ATP9B: variants seen among roughly 807,000 people sequenced by gnomAD.
The protein encoded by ATP9B is probable phospholipid-transporting ATPase IIB.
A neutral mutation model predicts 146.1 loss-of-function variants in ATP9B; 110 were observed. The ratio of observed to expected loss-of-function variants is 0.75; its 90% CI spans 0.65 to 0.88. The LOEUF is 0.88. ATP9B is among the 40% of genes least tolerant of loss of function. ATP9B has a pLI of 0.00. For synonymous variants in ATP9B, 604 were observed against 569.7 expected (o/e 1.06, Z -0.86); for missense variants, 1,499 against 1,496.4 (o/e 1.00, Z -0.03).
chr18:79,070,831 G>T, intron 1 of ATP9B, among the ~76,000 whole-genome samples: 1 of 150,762 alleles, frequency 6.6e-6, no homozygotes. Flanking sequence ...GCTTTTTTTT[G>T]GATTAATGTT....
rs2097109047 is a variant in ATP9B at position 79,377,554 on chromosome 18, C to T, written c.*171C>T. 1.1e-6 allele frequency: 1 copy of T among 872,446 alleles called. No individual in the cohort carries two copies. Among genetic ancestry groups the T allele is most frequent in the Admixed American group, 2.7e-5 (1 of 37,706 alleles). 54.0% of individuals were successfully genotyped at this position (872,446 alleles called of 1,614,324 possible). On this transcript the variant is annotated 3_prime_UTR_variant, in exon 30 of 30. Coordinates refer to ENST00000426216, the MANE Select transcript of ATP9B (RefSeq NM_198531.5). ...AGATGCTGAGACAGCCTCTCCTTCT[C>T]AGTGCAGGGACGTCACCCCTGCCAG...
rs535030058 is a variant in ATP9B, at chr18:79,137,776, G to A, written c.668-6026G>A. Among the ~76,000 whole-genome samples, 199 of 152,212 alleles carry A rather than the reference G, an allele frequency of 1.3e-3. 9 individuals carry two copies. The South Asian group carries it at 0.04, about 30-fold the overall frequency. On this transcript the variant is annotated intron_variant, in intron 5 of 29. Coordinates refer to ENST00000426216, the MANE Select transcript of ATP9B (RefSeq NM_198531.5). ...GGCTCCAATGCCTCCTTTTCTAGGC[G>A]TCCTCTCCTAACCCTGCAACAGTCA...
intron 11 of ATP9B, among the ~76,000 whole-genome samples, chr18:79,249,850 T>C (rs1189075681): frequency 6.6e-6 from 1 of 152,170 alleles, no homozygotes; most frequent in East Asian, 1.9e-4. Context: ...AAAAATAAAA[T>C]AAAATAAAAG....
chr18:79,232,115 G>A (rs539207404), intron 11 of ATP9B, among the ~76,000 whole-genome samples: 1 of 152,158 alleles, frequency 6.6e-6, no homozygotes, highest in South Asian at 2.1e-4. Context: ...CAGGGGAAAA[G>A]ACCTTACCAG....
chr18:79,138,640 A>G (rs1337153477), intron 5 of ATP9B, among the ~76,000 whole-genome samples: 1 of 152,184 alleles, frequency 6.6e-6, no homozygotes, highest in Non-Finnish European at 1.5e-5. Flanking sequence ...GAGGTGGTAA[A>G]CTATCATCTC....
At chr18:79,223,824 A>C (rs920375467) in intron 11 of ATP9B, among the ~76,000 whole-genome samples, 3 of 152,182 alleles carry the variant, frequency 2.0e-5, no homozygotes, top group African/African-American at 7.2e-5. Flanking sequence ...CTAAGTGTTG[A>C]AAAAACAATC....
At chr18:79,182,676 A>G (rs1314755647) in intron 8 of ATP9B, among the ~76,000 whole-genome samples, 2 of 152,224 alleles carry the variant, frequency 1.3e-5, no homozygotes, top group African/African-American at 2.4e-5. Context: ...CATGACTTGT[A>G]GAAGCCCTTG....
At chr18:79,321,212 G>A (rs73973072) in intron 15 of ATP9B, among the ~76,000 whole-genome samples, 8,436 of 152,226 alleles carry the variant, frequency 0.055, 430 homozygotes, top group African/African-American at 0.14. Flanking sequence ...AACCAAAACC[G>A]GAGAATCTGC....
At chr18:79,206,796 T>C (rs1428382115) in intron 9 of ATP9B, 141 bp from the exon 10 acceptor site, 9 of 656,962 alleles carry the variant, frequency 1.4e-5, no homozygotes, top group Non-Finnish European at 2.0e-5. Flanking sequence ...CCCTTTTTTC[T>C]AACGTCTGTT....
chr18:79,329,971 G>T (rs746564518), intron 16 of ATP9B, 41 bp from the exon 17 acceptor site: 18 of 1,571,408 alleles, frequency 1.1e-5, no homozygotes, highest in Non-Finnish European at 1.5e-5. Flanking sequence ...CCCGAGCAAT[G>T]CAGCCTAAAT....
intron 7 of ATP9B, among the ~76,000 whole-genome samples, chr18:79,171,736 A>G (rs1387186321): frequency 6.6e-6 from 1 of 152,210 alleles, no homozygotes; most frequent in Non-Finnish European, 1.5e-5. Context: ...TCTCCCTCAC[A>G]CTAGCCCAGT....
chr18:79,154,458 G>T, intron 6 of ATP9B, 46 bp from the exon 7 acceptor site: 2 of 1,348,258 alleles, frequency 1.5e-6, no homozygotes, highest in Non-Finnish European at 2.0e-6. Context: ...GTGTTAATTT[G>T]TAAACCTGCA....
intron 13 of ATP9B, among the ~76,000 whole-genome samples, chr18:79,301,634 G>A (rs1347974538): frequency 6.6e-6 from 1 of 152,098 alleles, no homozygotes; most frequent in African/African-American, 2.4e-5. Context: ...AAAACAAAAA[G>A]GTTTAAACTG....
Position 79,253,387 on chromosome 18 carries a change from T to C in ATP9B, c.1114T>C (p.Leu372=). ...NTSNPKNKVG[L]LDLELNRLTK... ...TTATGTGTTTTTCTTTCAGGTTGGT[T>C]TGTTGGACCTTGAACTCAATCGGCT... The change falls in exon 12 of 30, where the codon TTG becomes CTG. Residue 372 remains leucine, a synonymous_variant. Coordinates refer to ENST00000426216, the MANE Select transcript of ATP9B (RefSeq NM_198531.5). 6.2e-7 allele frequency: 1 copy of C among 1,605,910 alleles called. No individual in the cohort carries two copies. The highest frequency in any genetic ancestry group is 2.2e-5 in the East Asian group (1 of 44,804).
intron 11 of ATP9B, among the ~76,000 whole-genome samples, chr18:79,250,360 T>A (rs1395916895): frequency 6.6e-6 from 1 of 152,208 alleles, no homozygotes; most frequent in Non-Finnish European, 1.5e-5. Context: ...AATCATTCCT[T>A]TCACTTTTTA....
chr18:79,098,032 A>G (rs1275308709), intron 2 of ATP9B, among the ~76,000 whole-genome samples: 1 of 152,140 alleles, frequency 6.6e-6, no homozygotes, highest in Non-Finnish European at 1.5e-5. Flanking sequence ...TACTTGTACC[A>G]AAACAGAGAT....
chr18:79,153,207 A>G (rs1488473087), intron 6 of ATP9B, among the ~76,000 whole-genome samples: 2 of 152,224 alleles, frequency 1.3e-5, no homozygotes, highest in African/African-American at 4.8e-5. Flanking sequence ...TTAGGTCTCA[A>G]AAATCATACA....
intron 15 of ATP9B, among the ~76,000 whole-genome samples, chr18:79,311,952 G>A (rs1008780040): frequency 2.6e-5 from 4 of 152,298 alleles, no homozygotes; most frequent in East Asian, 1.9e-4. Flanking sequence ...GCACTTGCAC[G>A]CAGCCATGCA....
chr18:79,132,183 A>G (rs947726937), intron 5 of ATP9B, among the ~76,000 whole-genome samples: 1 of 152,236 alleles, frequency 6.6e-6, no homozygotes, highest in Non-Finnish European at 1.5e-5. Context: ...CTTCTGTGAT[A>G]CTTGAACTTC....
Sources: allele counts gnomAD v4.1 joint callset (sites outside exome capture counted in the v4.1 genomes callset), GRCh38; gene constraint gnomAD v4.1.1; transcripts MANE v1.5; gene names NCBI Gene and HGNC (gene_info 2026-07-23, HGNC 2026-07-21).